Variants in PDE4A observed in about 807,000 individuals in gnomAD.
PDE4A encodes the protein phosphodiesterase 4A, also known as 3',5'-cyclic-AMP phosphodiesterase 4A.
In PDE4A, 21 loss-of-function variants were observed where a neutral mutation model predicts 73.9. The observed-to-expected ratio is 0.28, with a 90% CI of 0.20 to 0.41. PDE4A has a LOEUF of 0.41. Ranked by LOEUF, PDE4A falls within the 10% of genes least tolerant of loss-of-function variation. The pLI is 1.00. For synonymous variants in PDE4A, 463 were observed against 505.4 expected, an observed-to-expected ratio of 0.92 and a Z score of 1.13; for missense variants, 958 against 1,211.4, an observed-to-expected ratio of 0.79 and a Z score of 3.10.
intron 14 of PDE4A, 95 bp from the exon 15 acceptor site, chr19:10,466,792 C>T: frequency 6.6e-7 from 1 of 1,519,558 alleles, no homozygotes; most frequent in Admixed American, 2.0e-5. Context: ...CCATGCCCGG[C>T]CCATAAGCAT....
chr19:10,449,230 C>A (rs1184655116), intron 4 of PDE4A, 80 bp downstream of exon 4: 3 of 1,480,582 alleles, frequency 2.0e-6, no homozygotes, highest in Admixed American at 3.8e-5. Context: ...TGCTGTGTGA[C>A]CTCTGGCAGG....
At chr19:10,427,665 C>A in intron 1 of PDE4A, 5 of 977,534 alleles carry the variant, frequency 5.1e-6, no homozygotes, top group Non-Finnish European at 6.1e-6. Flanking sequence ...GGTCCATAAT[C>A]CAGCTCTGAT....
intron 1 of PDE4A, chr19:10,421,397 G>T: frequency 2.1e-6 from 2 of 950,574 alleles, no homozygotes; most frequent in Non-Finnish European, 2.5e-6. Context: ...CAGAACAGCT[G>T]CTAAGCTGGG....
In PDE4A at chr19:10,420,636, C is replaced by G; in HGVS notation, c.-129C>G. 7.4e-7 allele frequency: 1 copy of G among 1,345,582 alleles called. No individual in the cohort carries two copies. The highest frequency in any genetic ancestry group is 9.5e-7 in the Non-Finnish European group (1 of 1,055,716). 83.4% of individuals were successfully genotyped at this position (1,345,582 alleles called of 1,614,324 possible). On this transcript the variant is annotated 5_prime_UTR_variant, in exon 1 of 15. Coordinates refer to ENST00000380702, the MANE Select transcript of PDE4A (RefSeq NM_001111307.2). The surrounding 1 kb of genome is among the most constrained non-coding windows in gnomAD (Gnocchi z 6.0). Reference sequence around the variant, plus strand: ...CCCGCAGCGCCCCCGGGTCTGTCCCCGGGGCGCCATGGCCCTACCGCGGCC... The same window carrying G: ...CCCGCAGCGCCCCCGGGTCTGTCCCGGGGGCGCCATGGCCCTACCGCGGCC...
At chr19:10,448,672 C>T (rs1018379083) in intron 2 of PDE4A, among the ~76,000 whole-genome samples, 8 of 151,756 alleles carry the variant, frequency 5.3e-5, no homozygotes, top group African/African-American at 1.7e-4. Flanking sequence ...TCACCTCTCC[C>T]CTCTCCCCTT....
chr19:10,454,154 T>A (rs560401336), intron 6 of PDE4A, among the ~76,000 whole-genome samples: 1 of 152,278 alleles, frequency 6.6e-6, no homozygotes, highest in African/African-American at 2.4e-5. Flanking sequence ...TCCACCCTTC[T>A]GGGGTTGGGG....
chr19:10,431,724 A>T (rs2042790918), intron 1 of PDE4A, among the ~76,000 whole-genome samples: 1 of 152,110 alleles, frequency 6.6e-6, no homozygotes, highest in Non-Finnish European at 1.5e-5. Context: ...CACAGACTGA[A>T]GGAGGGCACG....
rs1247697967 is a variant in PDE4A at position 10,461,979 on chromosome 19, A to T, written c.1723A>T (p.Asn575Tyr). The T allele has an allele frequency of 6.2e-7, 1 of 1,613,790 alleles. No individual in the cohort carries two copies. The highest frequency in any genetic ancestry group is 2.2e-5 in the East Asian group (1 of 44,876). ...VTSSGVLLLD[N>Y]YSDRIQVLRN... ...CAGCTCAGGGGTCCTCCTGCTAGATAACTACTCCGACCGCATCCAGGTGCC... is the reference window on the plus strand; with the variant it reads ...CAGCTCAGGGGTCCTCCTGCTAGATTACTACTCCGACCGCATCCAGGTGCC... The change falls in exon 13 of 15, where the codon AAC (asparagine) becomes TAC (tyrosine). Residue 575 changes from asparagine to tyrosine, a missense_variant. Around this residue, in one of 3 missense-constraint regions of PDE4A, gnomAD observed 570 missense variants for 827.7 expected, o/e 0.69. Coordinates refer to ENST00000380702, the MANE Select transcript of PDE4A (RefSeq NM_001111307.2).
At chr19:10,439,177 T>C (rs116399334) in intron 1 of PDE4A, among the ~76,000 whole-genome samples, 3,009 of 152,066 alleles carry the variant, frequency 0.02, 110 homozygotes, top group African/African-American at 0.069. Flanking sequence ...TGAGGGTTTT[T>C]TGTTTGTTTG....
At chr19:10,463,395 C>CTTTTT (rs35214617) in intron 13 of PDE4A, among the ~76,000 whole-genome samples, 19 of 100,372 alleles carry the variant, frequency 1.9e-4, no homozygotes, top group Admixed American at 3.2e-4. Flanking sequence ...CAGCCCCATT[C>CTTTTT]TTTTTTTTTT....
intron 1 of PDE4A, among the ~76,000 whole-genome samples, chr19:10,439,292 T>C (rs34246431): frequency 0.33 from 50,047 of 151,766 alleles, 8,519 homozygotes; most frequent in East Asian, 0.56. Context: ...AGCAATTATC[T>C]GGCTGCAGCC....
intron 10 of PDE4A, 148 bp from the exon 11 acceptor site, chr19:10,460,856 C>T (rs2043252221): frequency 3.0e-6 from 2 of 668,624 alleles, no homozygotes; most frequent in Non-Finnish European, 4.7e-6. Context: ...TGCTATGTTG[C>T]CCAGGATGGC....
intron 11 of PDE4A, 104 bp from the exon 12 acceptor site, chr19:10,461,422 C>T (rs2043267727): frequency 1.9e-6 from 3 of 1,538,938 alleles, no homozygotes; most frequent in Non-Finnish European, 2.6e-6. Context: ...GGAGGCGAGG[C>T]TGGCCGGGCT....
chr19:10,423,354 T>G (rs2042675735), intron 1 of PDE4A, among the ~76,000 whole-genome samples: 1 of 151,944 alleles, frequency 6.6e-6, no homozygotes. Flanking sequence ...AGATGGGGTT[T>G]CACCATGTTG....
At chr19:10,446,597 T>C (rs1183568739) in intron 2 of PDE4A, among the ~76,000 whole-genome samples, 188 bp downstream of exon 2, 2 of 150,948 alleles carry the variant, frequency 1.3e-5, no homozygotes, top group Non-Finnish European at 1.5e-5. Flanking sequence ...TTTTTTTTTT[T>C]CTTTTTTTCT....
chr19:10,434,642 G>C (rs1380829445), intron 1 of PDE4A, among the ~76,000 whole-genome samples: 1 of 151,934 alleles, frequency 6.6e-6, no homozygotes, highest in Admixed American at 6.6e-5. Context: ...CCAGGCTGGA[G>C]TGCAGTGGTG....
At chr19:10,441,073 C>A (rs1472382601) in intron 1 of PDE4A, among the ~76,000 whole-genome samples, 1 of 151,960 alleles carries the variant, frequency 6.6e-6, no homozygotes, top group Non-Finnish European at 1.5e-5. Context: ...CTCTGTCGTC[C>A]AGGCTGGAGT....
At chr19:10,459,883 T>A in intron 10 of PDE4A, 124 bp downstream of exon 10, 2 of 961,530 alleles carry the variant, frequency 2.1e-6, no homozygotes, top group Non-Finnish European at 2.9e-6. Flanking sequence ...TTTCTCTCTC[T>A]TTTTTTTTTC....
intron 6 of PDE4A, among the ~76,000 whole-genome samples, chr19:10,454,212 A>G (rs1269456606): frequency 6.6e-6 from 1 of 151,944 alleles, no homozygotes; most frequent in Non-Finnish European, 1.5e-5. Context: ...CTGGGTGATC[A>G]AACTGGGATT....
Sources: allele counts gnomAD v4.1 joint callset (sites outside exome capture counted in the v4.1 genomes callset), GRCh38; gene constraint gnomAD v4.1.1; regional missense constraint gnomAD v4.1.1; non-coding constraint Gnocchi (gnomAD v3.1); transcripts MANE v1.5; gene names NCBI Gene and HGNC (gene_info 2026-07-23, HGNC 2026-07-21).